The following ARMCX4 variants were observed in gnomAD, a reference collection of about 807,000 sequenced individuals.
The protein encoded by ARMCX4 is armadillo repeat-containing X-linked protein 4.
A neutral mutation model predicts 34.7 loss-of-function variants in ARMCX4; 3 were observed. That is an observed-to-expected ratio of 0.09 (90% CI 0.04 to 0.22). The LOEUF is 0.22. Ranked by LOEUF, ARMCX4 falls within the 10% of genes least tolerant of loss-of-function variation. The pLI, the probability that ARMCX4 is intolerant of heterozygous loss-of-function variation, is 1.00. For synonymous variants in ARMCX4, 513 were observed against 632.8 expected, an observed-to-expected ratio of 0.81 and a Z score of 2.84; for missense variants, 1,448 against 1,720.8, an observed-to-expected ratio of 0.84 and a Z score of 2.81.
intron 4 of ARMCX4, among the ~76,000 whole-genome samples, chrX:101,457,751 C>T (rs899674909): frequency 5.4e-5 from 6 of 110,285 alleles, no homozygotes; most frequent in African/African-American, 1.3e-4. Context: ...CCCCCAAACC[C>T]CCCTTTTTTT....
chrX:101,492,380 G>T lies in ARMCX4; in HGVS notation c.3791G>T (p.Gly1264Val). Reference protein sequence around the residue: ...VSWVGEEAIGGSWTGAENQAS... With the variant: ...VSWVGEEAIGVSWTGAENQAS... Reference sequence around the variant, plus strand: ...TGGGTTGGGGAAGAGGCCATTGGAGGGTCCTGGACTGGGGCTGAGAACCAA... The same window carrying T: ...TGGGTTGGGGAAGAGGCCATTGGAGTGTCCTGGACTGGGGCTGAGAACCAA... The change falls in exon 6 of 6, where the codon GGG becomes GTG. Residue 1264 changes from glycine (G) to valine (V), a missense_variant. Transcript: ENST00000423738. 2 of 1,154,673 alleles carry T rather than the reference G, an allele frequency of 1.7e-6. No individual in the cohort carries two copies. Among genetic ancestry groups the T allele is most frequent in the Non-Finnish European group, 2.3e-6 (2 of 872,417 alleles).
chrX:101,453,638 G>A (rs1932108593), intron 4 of ARMCX4, among the ~76,000 whole-genome samples: 1 of 111,233 alleles, frequency 9.0e-6, no homozygotes. Flanking sequence ...AGCTGTGCTA[G>A]AACTCTGAGG....
At chrX:101,535,982 G>A (rs1556023437), downstream of ARMCX4, among the ~76,000 whole-genome samples, 1 of 111,367 alleles carries the variant, frequency 9.0e-6, no homozygotes, top group African/African-American at 3.3e-5. Flanking sequence ...CTCACTGAAA[G>A]AGCTGATACT....
At chrX:101,479,184 T>C (rs1286501788) in intron 4 of ARMCX4, among the ~76,000 whole-genome samples, 1 of 109,955 alleles carries the variant, frequency 9.1e-6, no homozygotes, top group Admixed American at 9.8e-5. Flanking sequence ...AGTGAAATCA[T>C]TTTTCTAAAA....
At chrX:101,438,241 T>C (rs1555995604) in intron 2 of ARMCX4, among the ~76,000 whole-genome samples, 2 of 111,464 alleles carry the variant, frequency 1.8e-5, no homozygotes, top group African/African-American at 6.5e-5. Flanking sequence ...CTCGTTGATC[T>C]GTCTAATGTT....
intron 11 of ARMCX4, among the ~76,000 whole-genome samples, chrX:101,521,664 A>G (rs1391507402): frequency 9.0e-6 from 1 of 110,667 alleles, no homozygotes; most frequent in Admixed American, 9.7e-5. Flanking sequence ...ATTTATAGCT[A>G]TATTTTTCTC....
intron 4 of ARMCX4, among the ~76,000 whole-genome samples, chrX:101,459,710 C>T (rs1450365988): frequency 8.9e-6 from 1 of 112,067 alleles, no homozygotes; most frequent in Non-Finnish European, 1.9e-5. Flanking sequence ...ATTTTTTTCT[C>T]AGCCCCAGAA....
Position 101,494,082 on chromosome X carries a change from T to C in ARMCX4, c.5493T>C (p.Ala1831=). 1.0e-6 allele frequency: 1 copy of C among 996,296 alleles called. No individual in the cohort carries two copies. Among genetic ancestry groups the C allele is most frequent in the South Asian group, 2.5e-5 (1 of 40,404 alleles). 82.1% of individuals were successfully genotyped at this position (996,296 alleles called of 1,213,427 possible). ...AEAGAGAGAE[A]GAEAGAGAGA... Reference sequence around the variant, plus strand: ...CTGGGGCTGGGGCTGGGGCTGAGGCTGGGGCTGAGGCTGGGGCTGGGGCTG... The same window carrying C: ...CTGGGGCTGGGGCTGGGGCTGAGGCCGGGGCTGAGGCTGGGGCTGGGGCTG... The change falls in exon 6 of 6, where the codon GCT becomes GCC. Residue 1831 remains alanine, a synonymous_variant. Transcript: ENST00000423738.
At chrX:101,476,731 CACTT>C (rs1240484356) in intron 4 of ARMCX4, among the ~76,000 whole-genome samples, 1 of 111,195 alleles carries the variant, frequency 9.0e-6, no homozygotes, top group Non-Finnish European at 1.9e-5. Flanking sequence ...TTTATACACT[CACTT>C]ACATATTCAA....
chrX:101,482,869 G>A (rs1050037965), upstream of ARMCX4, among the ~76,000 whole-genome samples: 9 of 100,117 alleles, frequency 9.0e-5, no homozygotes, highest in Non-Finnish European at 1.2e-4. Context: ...CCTATCAATA[G>A]CCATTTTATG....
chrX:101,519,721 T>C (rs182492031), intron 11 of ARMCX4, among the ~76,000 whole-genome samples: 2 of 111,602 alleles, frequency 1.8e-5, no homozygotes, highest in African/African-American at 6.5e-5. Flanking sequence ...GGTAGTTCTA[T>C]TTTAGTTTTT....
rs1455780669 is a variant in ARMCX4, at chrX:101,491,300, C to A, written c.2711C>A (p.Thr904Lys). 20 of 1,154,342 alleles carry A rather than the reference C, an allele frequency of 1.7e-5. No homozygotes were observed. In the East Asian group the frequency reaches 2.6e-4, roughly 15 times the overall value. The change falls in exon 6 of 6, where the codon ACA becomes AAA. Residue 904 changes from threonine (T) to lysine (K), a missense_variant. This residue lies in a region of ARMCX4 where 1,343 missense variants were observed against 1,540.7 expected (regional missense o/e 0.87). Transcript: ENST00000423738. ...VVSKAGARED[T>K]MGSAQPQVVA... The stretch of plus-strand genomic sequence containing the variant: ...TCTAAGGCAGGGGCCAGAGAAGATA[C>A]AATGGGCTCTGCCCAGCCTCAGGTT...
Position 101,435,348 on chromosome X carries a change from T to C in ARMCX4, n.165-8704T>C, listed in dbSNP as rs1342677507. 2.1e-4 allele frequency among the ~76,000 whole-genome samples: 24 copies of C among 111,788 alleles called. No individual in the cohort carries two copies. In the East Asian group the frequency reaches 5.3e-3, roughly 25 times the overall value. On this transcript the variant is annotated intron_variant and non_coding_transcript_variant, in intron 2 of 3. Transcript: ENST00000430461. The stretch of plus-strand genomic sequence containing the variant: ...CACCATTCTAACTGGTGTGAGATGG[T>C]ATCTCATTGTGGTTTTGATTTGCAT...
In ARMCX4 at chrX:101,492,668, C is replaced by A. The variant is rs1166667011; in HGVS notation, c.4079C>A (p.Ala1360Asp). 1.8e-6 allele frequency: 2 copies of A among 1,119,970 alleles called. No homozygotes were observed. The highest frequency in any genetic ancestry group is 2.8e-5 in the Admixed American group (1 of 35,809). 92.3% of individuals were successfully genotyped at this position (1,119,970 alleles called of 1,213,427 possible). ...TCTTGGGCTGACACTGCAGACCAAG[C>A]CAGTGGAGGGTCTAGGCTGGGCCAC... The part of the protein sequence containing the change: ...GRSWADTADQ[A>D]SGGSRLGHVD... Residue 1360 changes from alanine to aspartate, a missense_variant, in exon 6 of 6, where the codon GCC (alanine) becomes GAC (aspartate). Ala to Asp is a moderately radical substitution (Grantham distance 126). This residue lies in a region of ARMCX4 where 1,343 missense variants were observed against 1,540.7 expected (regional missense o/e 0.87). Coordinates refer to ENST00000423738, the MANE Select transcript of ARMCX4 (RefSeq NM_001256155.3).
In ARMCX4 at chrX:101,502,053, G is replaced by A. The variant is rs144013823; in HGVS notation, c.*1177+2687G>A. On this transcript the variant is annotated intron_variant and NMD_transcript_variant, in intron 7 of 12. Coordinates refer to the ARMCX4 transcript ENST00000354842. ...AGCTAGGGTTGTGGAGCAAAGCCAT[G>A]TCATATGAATGGAAAATTATATACC... is the stretch of plus-strand genomic sequence containing the variant. Among the ~76,000 whole-genome samples the A allele has an allele frequency of 7.2e-3, 811 of 112,219 alleles. 9 individuals carry two copies. The highest frequency in any genetic ancestry group is 0.025 in the African/African-American group (775 of 30,908).
chrX:101,428,292 A>G (rs782632060), intron 2 of ARMCX4, among the ~76,000 whole-genome samples: 3 of 112,274 alleles, frequency 2.7e-5, no homozygotes, highest in Non-Finnish European at 5.6e-5. Context: ...AAGAGAGTAT[A>G]TACTGTATTA....
intron 4 of ARMCX4, among the ~76,000 whole-genome samples, chrX:101,474,982 G>GAAA (rs1224232813): frequency 3.2e-5 from 2 of 63,314 alleles, no homozygotes; most frequent in African/African-American, 1.0e-4. Flanking sequence ...GGAGAAGGAA[G>GAAA]AAAAAAAAAA....
Position 101,488,545 on chromosome X carries a change from T to C in ARMCX4, c.-45T>C, listed in dbSNP as rs191836444. ...ACCACTCTCTTTACCCCAGCCCGAG[T>C]GCGCTCTACCATACCTTGTTCGTGC... On this transcript the variant is annotated 5_prime_UTR_variant, in exon 6 of 6. Coordinates refer to ENST00000423738, the MANE Select transcript of ARMCX4 (RefSeq NM_001256155.3). 8.7e-7 allele frequency: 1 copy of C among 1,155,518 alleles called. No homozygotes were observed. Among genetic ancestry groups the C allele is most frequent in the African/African-American group, 1.8e-5 (1 of 56,219 alleles).
intron 7 of ARMCX4, among the ~76,000 whole-genome samples, chrX:101,503,622 T>A (rs1186175978): frequency 8.9e-6 from 1 of 112,197 alleles, no homozygotes; most frequent in Admixed American, 9.5e-5. Flanking sequence ...CGCCCACTTT[T>A]TGATGGGGCT....
Sources: allele counts gnomAD v4.1 joint callset (sites outside exome capture counted in the v4.1 genomes callset), GRCh38; gene constraint gnomAD v4.1.1; regional missense constraint gnomAD v4.1.1; transcripts MANE v1.5; gene names NCBI Gene and HGNC (gene_info 2026-07-23, HGNC 2026-07-21).